Variants in ATXN7L1 observed in about 807,000 individuals in gnomAD.
The protein encoded by ATXN7L1 is ataxin 7 like 1, also known as ataxin-7-like protein 1.
ATXN7L1 carries 15 observed loss-of-function variants against 70.8 expected under a neutral mutation model. The observed-to-expected ratio is 0.21, with a 90% CI of 0.14 to 0.33. The LOEUF (loss-of-function observed/expected upper bound fraction) is 0.33, where lower values mean the gene tolerates loss of function less well. ATXN7L1 is among the 10% of genes least tolerant of loss of function. The probability of loss-of-function intolerance (pLI) is 1.00; values close to 1 mark genes in which losing one functional copy is unlikely to be tolerated. For synonymous variants in ATXN7L1, 440 were observed against 445.1 expected (o/e 0.99, Z 0.14); for missense variants, 975 against 1,097.1 (o/e 0.89, Z 1.57).
At chr7:105,780,483 G>A (rs951728676) in intron 3 of ATXN7L1, among the ~76,000 whole-genome samples, 3 of 151,668 alleles carry the variant, frequency 2.0e-5, no homozygotes, top group African/African-American at 7.3e-5. Context: ...AGCCCTCTCT[G>A]AGAAGGAGGA....
intron 4 of ATXN7L1, among the ~76,000 whole-genome samples, chr7:105,658,212 A>G (rs1278388235): frequency 1.3e-5 from 1 of 77,364 alleles, no homozygotes; most frequent in Non-Finnish European, 2.8e-5. Flanking sequence ...GCTATACCCC[A>G]TCTCAAAAAA....
At chr7:105,642,061 G>A (rs1343390014) in intron 5 of ATXN7L1, among the ~76,000 whole-genome samples, 1 of 152,182 alleles carries the variant, frequency 6.6e-6, no homozygotes, top group Non-Finnish European at 1.5e-5. Context: ...AAGAAGTTAT[G>A]AAGTTTATAG....
At chr7:105,784,902 A>T (rs899082552) in intron 3 of ATXN7L1, among the ~76,000 whole-genome samples, 1 of 152,140 alleles carries the variant, frequency 6.6e-6, no homozygotes, top group Non-Finnish European at 1.5e-5. Flanking sequence ...GGGGGGTGAA[A>T]AAAGTTAGGA....
At chr7:105,876,015 T>C (rs1448085939) in intron 1 of ATXN7L1, 135 bp from the exon 2 acceptor site, 9 of 866,584 alleles carry the variant, frequency 1.0e-5, no homozygotes, top group Admixed American at 2.3e-5. Context: ...CTTTCAAAAA[T>C]TGACAATGCA....
At chr7:105,733,614 C>CCATT (rs1796920246) in intron 3 of ATXN7L1, among the ~76,000 whole-genome samples, 2 of 138,770 alleles carry the variant, frequency 1.4e-5, no homozygotes, top group Admixed American at 7.2e-5. Flanking sequence ...ACCCATCCAT[C>CCATT]CATCCATCCA....
At chr7:105,848,008 A>T (rs1468568573) in intron 2 of ATXN7L1, among the ~76,000 whole-genome samples, 3 of 152,234 alleles carry the variant, frequency 2.0e-5, no homozygotes, top group African/African-American at 7.2e-5. Flanking sequence ...CAAATATGAC[A>T]GACATGGGTA....
At chr7:105,632,713 T>C (rs557905171) in intron 7 of ATXN7L1, among the ~76,000 whole-genome samples, 4 of 151,912 alleles carry the variant, frequency 2.6e-5, no homozygotes, top group African/African-American at 9.7e-5. Flanking sequence ...TGAGCCCAGA[T>C]GTTCAAGATC....
chr7:105,870,985 T>C (rs771808760), intron 2 of ATXN7L1, among the ~76,000 whole-genome samples: 1 of 152,134 alleles, frequency 6.6e-6, no homozygotes, highest in African/African-American at 2.4e-5. Context: ...TGCTTGTGTA[T>C]GAGATGCAGT....
At chr7:105,633,592 C>T (rs1356905571) in intron 7 of ATXN7L1, among the ~76,000 whole-genome samples, 13 of 151,902 alleles carry the variant, frequency 8.6e-5, no homozygotes, top group Non-Finnish European at 1.3e-4. Context: ...TGGTGGTGGG[C>T]GCTTGTAATC....
chr7:105,704,628 CT>C (rs1420819685), intron 3 of ATXN7L1, among the ~76,000 whole-genome samples: 2 of 109,134 alleles, frequency 1.8e-5, no homozygotes, highest in South Asian at 6.4e-4. Flanking sequence ...GAGTCTTGCT[CT>C]GTTGCCCAGG....
chr7:105,867,506 G>A (rs148755380), intron 2 of ATXN7L1, among the ~76,000 whole-genome samples: 101 of 152,264 alleles, frequency 6.6e-4, no homozygotes, highest in African/African-American at 2.3e-3. Context: ...ACTCACTATT[G>A]TCACCAGTGA....
chr7:105,729,137 A>G (rs1234526960), intron 3 of ATXN7L1, among the ~76,000 whole-genome samples: 1 of 152,002 alleles, frequency 6.6e-6, no homozygotes, highest in Admixed American at 6.6e-5. Context: ...TGGGCATGGT[A>G]GCATGCACCT....
intron 9 of ATXN7L1, chr7:105,618,023 A>T (rs1403168244): frequency 8.8e-6 from 4 of 456,750 alleles, no homozygotes. Context: ...AATGTTGCTC[A>T]GTGACAGCAG....
chr7:105,789,456 T>C (rs1804808081), intron 2 of ATXN7L1, among the ~76,000 whole-genome samples: 1 of 152,214 alleles, frequency 6.6e-6, no homozygotes, highest in East Asian at 1.9e-4. Context: ...CGGGGTCCCC[T>C]GGGAGTGTGC....
intron 3 of ATXN7L1, among the ~76,000 whole-genome samples, chr7:105,776,942 G>A (rs1403640819): frequency 1.3e-5 from 2 of 152,070 alleles, no homozygotes; most frequent in Non-Finnish European, 2.9e-5. Context: ...GATAACTTTT[G>A]TATTTTTAGT....
rs115602228 is a variant in ATXN7L1 at position 105,736,248 on chromosome 7, T to C, written c.355+52356A>G. ...CAGAATGCATGAGGAACAGGGAAGC[T>C]GAAAACATAGATTGACTGTGTGCAC... On this transcript the variant is annotated intron_variant, in intron 3 of 11. Coordinates refer to ENST00000419735, the MANE Select transcript of ATXN7L1 (RefSeq NM_020725.2). Among the ~76,000 whole-genome samples, 550 of 152,374 alleles carry C rather than the reference T, an allele frequency of 3.6e-3. 8 individuals carry two copies. Among genetic ancestry groups the C allele is most frequent in the African/African-American group, 0.012 (492 of 41,596 alleles).
At chr7:105,725,993 C>T (rs1261548456) in intron 3 of ATXN7L1, among the ~76,000 whole-genome samples, 1 of 151,130 alleles carries the variant, frequency 6.6e-6, no homozygotes, top group African/African-American at 2.4e-5. Context: ...CCTCCGCCTC[C>T]TGGGTTCAAG....
chr7:105,768,249 CTAA>C (rs1250771550), intron 3 of ATXN7L1, among the ~76,000 whole-genome samples: 1 of 152,194 alleles, frequency 6.6e-6, no homozygotes, highest in Non-Finnish European at 1.5e-5. Context: ...TTTATCATTT[CTAA>C]TAATAACCTT....
intron 3 of ATXN7L1, among the ~76,000 whole-genome samples, chr7:105,744,595 A>C (rs996650609): frequency 2.0e-5 from 3 of 152,122 alleles, no homozygotes; most frequent in Non-Finnish European, 4.4e-5. Flanking sequence ...GCAAAACCTG[A>C]ATCCAATCAC....
Sources: gnomAD v4.1 joint callset for allele counts (sites outside exome capture counted in the v4.1 genomes callset) on GRCh38, gnomAD v4.1.1 for gene constraint, MANE v1.5 for transcripts, NCBI Gene and HGNC (gene_info 2026-07-23, HGNC 2026-07-21) for gene names.